The following MERTK variants were observed in gnomAD, a reference collection of about 807,000 sequenced individuals.
MERTK encodes the protein tyrosine-protein kinase Mer.
A neutral mutation model predicts 99.3 loss-of-function variants in MERTK; 69 were observed. That is an observed-to-expected ratio of 0.70 (90% CI 0.57 to 0.85). The LOEUF (loss-of-function observed/expected upper bound fraction) is 0.85, where lower values mean the gene tolerates loss of function less well. MERTK is among the 40% of genes least tolerant of loss of function. The pLI is 0.00. For synonymous variants in MERTK, 426 were observed against 467.6 expected, an observed-to-expected ratio of 0.91 and a Z score of 1.15; for missense variants, 1,125 against 1,249.4, an observed-to-expected ratio of 0.90 and a Z score of 1.50.
At chr2:111,952,745 T>A (rs571189175) in intron 4 of MERTK, 23 of 152,228 alleles carry the variant, frequency 1.5e-4, no homozygotes, top group Non-Finnish European at 3.1e-4. Flanking sequence ...CCAGTATTTC[T>A]TTAGGAGGGA....
intron 6 of MERTK, among the ~76,000 whole-genome samples, chr2:111,970,087 A>C (rs893851763): frequency 2.6e-5 from 4 of 151,322 alleles, no homozygotes; most frequent in Non-Finnish European, 5.9e-5. Flanking sequence ...CTGCATCTAC[A>C]ATTCCTCACC....
intron 4 of MERTK, among the ~76,000 whole-genome samples, chr2:111,956,282 G>A (rs1276340784): frequency 2.0e-5 from 3 of 152,160 alleles, no homozygotes; most frequent in Non-Finnish European, 4.4e-5. Context: ...AATAATGAAT[G>A]TAAAGCCCTT....
Position 112,008,477 on chromosome 2 carries a change from T to C in MERTK, c.1960+2T>C. On this transcript the variant is annotated splice_donor_variant, in intron 14 of 18. Transcript: ENST00000295408. LOFTEE classifies it high-confidence loss of function. Reference sequence around the variant, plus strand: ...ACCCAAATGTCATTCGACTTCTAGGTACTTCCGAGAAATGCAGGAGTGGGT... The same window carrying C: ...ACCCAAATGTCATTCGACTTCTAGGCACTTCCGAGAAATGCAGGAGTGGGT... The C allele has an allele frequency of 1.2e-6, 2 of 1,612,570 alleles. No homozygotes were observed. Among genetic ancestry groups the C allele is most frequent in the Non-Finnish European group, 1.7e-6 (2 of 1,178,572 alleles).
chr2:111,986,392 G>T (rs914382307), intron 8 of MERTK, among the ~76,000 whole-genome samples: 1 of 152,114 alleles, frequency 6.6e-6, no homozygotes, highest in East Asian at 1.9e-4. Flanking sequence ...AAGCATAAAG[G>T]TTCAGTAGGA....
rs879299187 is a variant in MERTK, at chr2:111,969,698, T to C, written c.960+1446T>C. ...ACCACCTCCAGCCTTTCTTTTTTTT[T>C]TTTTTTTTTTTGAGACAGAGTCTCG... On this transcript the variant is annotated intron_variant, in intron 6 of 18. Coordinates refer to ENST00000295408, the MANE Select transcript of MERTK (RefSeq NM_006343.3). 2.4e-3 allele frequency among the ~76,000 whole-genome samples: 366 copies of C among 149,840 alleles called. 1 individual carries two copies. The highest frequency in any genetic ancestry group is 3.9e-3 in the Non-Finnish European group (265 of 67,310).
rs201351128 is a variant in MERTK, at chr2:111,935,939, CAG to C, written c.482+6402_482+6403del. Among the ~76,000 whole-genome samples the C allele has an allele frequency of 2.0e-5, 3 of 151,864 alleles. No homozygotes were observed. The East Asian group carries it at 5.8e-4, about 29-fold the overall frequency. On this transcript the variant is annotated intron_variant, in intron 2 of 18. Coordinates refer to ENST00000295408, the MANE Select transcript of MERTK (RefSeq NM_006343.3). ...AAAAAAATTTTTTTGTTTTTTGAGA[CAG>C]AGTCTTGCTCTGTCACCCAGGCTGG...
chr2:112,015,950 CTCT>C, intron 15 of MERTK: 1 of 104,688 alleles, frequency 9.6e-6, no homozygotes, highest in Admixed American at 1.0e-4. Context: ...CATTGAGTTG[CTCT>C]TGTACCTTTG....
chr2:111,904,440 G>A (rs1054836797), intron 1 of MERTK, among the ~76,000 whole-genome samples: 1 of 150,318 alleles, frequency 6.7e-6, no homozygotes, highest in African/African-American at 2.4e-5. Flanking sequence ...CATGTGGCGC[G>A]ATCTCGGCTC....
intron 1 of MERTK, among the ~76,000 whole-genome samples, chr2:111,907,830 G>A (rs1450668407): frequency 6.6e-6 from 1 of 152,232 alleles, no homozygotes; most frequent in Non-Finnish European, 1.5e-5. Flanking sequence ...GGGAAGATAA[G>A]GATAAAGACA....
intron 7 of MERTK, among the ~76,000 whole-genome samples, chr2:111,977,713 T>A (rs895301410): frequency 2.0e-5 from 3 of 152,196 alleles, no homozygotes; most frequent in Non-Finnish European, 4.4e-5. Flanking sequence ...AGTTGTCCCA[T>A]AACTCACTGA....
intron 1 of MERTK, among the ~76,000 whole-genome samples, chr2:111,913,343 T>C (rs1272954759): frequency 6.6e-6 from 1 of 152,164 alleles, no homozygotes; most frequent in African/African-American, 2.4e-5. Context: ...AGCAGAAGAG[T>C]TCTGTATGTG....
At chr2:112,009,710 T>C (rs998613299) in intron 14 of MERTK, among the ~76,000 whole-genome samples, 2 of 152,178 alleles carry the variant, frequency 1.3e-5, no homozygotes, top group Non-Finnish European at 2.9e-5. Context: ...GCTATACTTG[T>C]TACAGTTTAA....
chr2:111,987,083 A>G (rs1417256933), intron 8 of MERTK, among the ~76,000 whole-genome samples: 1 of 152,206 alleles, frequency 6.6e-6, no homozygotes, highest in Non-Finnish European at 1.5e-5. Context: ...GTTCATTTTC[A>G]TTTTTAGATA....
intron 9 of MERTK, 172 bp downstream of exon 9, chr2:111,994,576 A>G: frequency 1.2e-6 from 1 of 852,618 alleles, no homozygotes; most frequent in Non-Finnish European, 2.0e-6. Flanking sequence ...CAACCTGGGC[A>G]ATGGGCAACA....
intron 15 of MERTK, among the ~76,000 whole-genome samples, chr2:112,012,242 C>T (rs1489917019): frequency 7.0e-6 from 1 of 142,938 alleles, no homozygotes; most frequent in Non-Finnish European, 1.5e-5. Context: ...CCGCCCCCCA[C>T]ATCAGTCACT....
intron 1 of MERTK, among the ~76,000 whole-genome samples, chr2:111,900,049 G>T (rs1458173159): frequency 1.3e-5 from 2 of 152,056 alleles, no homozygotes; most frequent in South Asian, 2.1e-4. Flanking sequence ...CAGCTAAAAG[G>T]TTTCTATTTC....
chr2:112,010,160 G>T, intron 15 of MERTK, 94 bp downstream of exon 15: 1 of 980,734 alleles, frequency 1.0e-6, no homozygotes. Flanking sequence ...AGTGAAGCCA[G>T]GAAGGAGAGG....
rs1294303027 is a variant in MERTK, at chr2:112,001,355, C to T, written c.1690+69C>T. ...TTGAGAACAAAGAAGGATCAATAGACAGATTTCTAACAAAAGCCAAAGATG... is the reference window on the plus strand; with the variant it reads ...TTGAGAACAAAGAAGGATCAATAGATAGATTTCTAACAAAAGCCAAAGATG... On this transcript the variant is annotated intron_variant, in intron 11 of 18. Transcript: ENST00000295408. 3.2e-6 allele frequency: 4 copies of T among 1,253,506 alleles called. No individual in the cohort carries two copies. The African/African-American group carries it at 4.4e-5, about 14-fold the overall frequency. The allele number at this position is 1,253,506 out of a possible 1,614,324, so 77.6% of individuals were successfully genotyped here.
In MERTK at chr2:112,029,225, TA is replaced by T; in HGVS notation, c.*366del. On this transcript the variant is annotated 3_prime_UTR_variant, in exon 19 of 19. Transcript: ENST00000295408. ...TTTTCTTTTTCATGACTATTAAATG[TA>T]AAAATATTTGTAAAATGAAATGCCA... is the stretch of plus-strand genomic sequence containing the variant. 1 of 993,128 alleles carries T rather than the reference TA, an allele frequency of 1.0e-6. No individual in the cohort carries two copies. Among genetic ancestry groups the T allele is most frequent in the Non-Finnish European group, 1.2e-6 (1 of 830,006 alleles). The allele number at this position is 993,128 out of a possible 1,614,324, so 61.5% of individuals were successfully genotyped here. A position where few individuals can be genotyped will look rare whatever the true frequency, so the allele number is the denominator to read the frequency against.
Sources: allele counts gnomAD v4.1 joint callset (sites outside exome capture counted in the v4.1 genomes callset), GRCh38; gene constraint gnomAD v4.1.1; transcripts MANE v1.5; gene names NCBI Gene and HGNC (gene_info 2026-07-23, HGNC 2026-07-21).